Variants in FER observed in about 807,000 individuals in gnomAD.
FER encodes tyrosine-protein kinase Fer.
A neutral mutation model predicts 111.0 loss-of-function variants in FER; 63 were observed. That is an observed-to-expected ratio of 0.57 (90% CI 0.46 to 0.70). The LOEUF (loss-of-function observed/expected upper bound fraction) is 0.70. FER is among the 30% of genes least tolerant of loss of function. The probability of loss-of-function intolerance (pLI) is 0.00; values close to 1 mark genes in which losing one functional copy is unlikely to be tolerated. For missense variants in FER, 914 were observed against 954.0 expected (o/e 0.96, Z 0.55); for synonymous variants, 327 against 313.9 (o/e 1.04, Z -0.44).
At chr5:108,971,012 T>C (rs549191449) in intron 13 of FER, among the ~76,000 whole-genome samples, 1 of 152,266 alleles carries the variant, frequency 6.6e-6, no homozygotes, top group South Asian at 2.1e-4. Context: ...ATATGTGAGA[T>C]ATATACATAA....
At chr5:109,004,689 G>T (rs1765265620) in intron 13 of FER, among the ~76,000 whole-genome samples, 1 of 152,062 alleles carries the variant, frequency 6.6e-6, no homozygotes, top group Non-Finnish European at 1.5e-5. Flanking sequence ...GAGCATTATA[G>T]TGTTGGTGGT....
At chr5:108,945,010 A>G (rs1756790837) in intron 10 of FER, among the ~76,000 whole-genome samples, 1 of 152,172 alleles carries the variant, frequency 6.6e-6, no homozygotes, top group African/African-American at 2.4e-5. Context: ...ACGCACTTAG[A>G]AAATGTTTTG....
intron 11 of FER, among the ~76,000 whole-genome samples, chr5:108,948,843 A>T (rs980414067): frequency 1.3e-5 from 2 of 152,094 alleles, no homozygotes; most frequent in Non-Finnish European, 2.9e-5. Flanking sequence ...GTCTGATAGT[A>T]GCAGTCTTTG....
At chr5:108,863,970 A>G (rs566098630) in intron 5 of FER, among the ~76,000 whole-genome samples, 3 of 152,062 alleles carry the variant, frequency 2.0e-5, no homozygotes, top group African/African-American at 4.8e-5. Context: ...CCCTCCTGCC[A>G]CTCTAGTTTT....
intron 10 of FER, among the ~76,000 whole-genome samples, chr5:108,918,745 C>T (rs1226463763): frequency 6.6e-6 from 1 of 151,858 alleles, no homozygotes; most frequent in African/African-American, 2.4e-5. Context: ...CCTCAGCCTC[C>T]CAAAGTGCTG....
chr5:108,926,861 T>G (rs970070682), intron 10 of FER, among the ~76,000 whole-genome samples: 2 of 152,104 alleles, frequency 1.3e-5, no homozygotes, highest in Non-Finnish European at 2.9e-5. Flanking sequence ...TATTTATGAT[T>G]TTTTTTTCAG....
intron 11 of FER, among the ~76,000 whole-genome samples, chr5:108,950,178 A>T (rs1206001187): frequency 2.0e-5 from 3 of 152,136 alleles, no homozygotes; most frequent in African/African-American, 7.2e-5. Context: ...TGTGGAGGTA[A>T]CCTGATACTT....
intron 13 of FER, among the ~76,000 whole-genome samples, chr5:108,992,997 C>T (rs1351519039): frequency 1.2e-4 from 18 of 150,598 alleles, no homozygotes; most frequent in East Asian, 4.0e-4. Flanking sequence ...CGGGAAGAGG[C>T]GCTCCTCACT....
Position 109,071,001 on chromosome 5 carries a change from A to G in FER, c.1924+23803A>G, listed in dbSNP as rs137864293. ...AGCTTTGCTGTGGATAATATATACC[A>G]TGAATTCTATATTGTATTTTCTATA... is the stretch of plus-strand genomic sequence containing the variant. On this transcript the variant is annotated intron_variant, in intron 16 of 19. Coordinates refer to ENST00000281092, the MANE Select transcript of FER (RefSeq NM_005246.4). 7.8e-3 allele frequency among the ~76,000 whole-genome samples: 1,192 copies of G among 152,146 alleles called. 13 individuals carry two copies. Among genetic ancestry groups the G allele is most frequent in the African/African-American group, 0.028 (1,154 of 41,552 alleles).
At chr5:109,162,252 T>C (rs907153412) in intron 17 of FER, among the ~76,000 whole-genome samples, 4 of 152,194 alleles carry the variant, frequency 2.6e-5, no homozygotes, top group Non-Finnish European at 5.9e-5. Context: ...TAACTCAGTC[T>C]GTTTCGTAAG....
chr5:109,111,914 A>G (rs1461152747), intron 17 of FER, among the ~76,000 whole-genome samples: 1 of 152,170 alleles, frequency 6.6e-6, no homozygotes, highest in Non-Finnish European at 1.5e-5. Flanking sequence ...ATTCTTGCAT[A>G]AAATAACTTA....
chr5:109,099,513 C>T (rs1234563787), intron 16 of FER, among the ~76,000 whole-genome samples: 1 of 151,026 alleles, frequency 6.6e-6, no homozygotes, highest in African/African-American at 2.4e-5. Flanking sequence ...AAATTTACAT[C>T]TAAATTGAGA....
intron 3 of FER, among the ~76,000 whole-genome samples, chr5:108,822,349 C>T (rs920499872): frequency 2.0e-5 from 3 of 152,070 alleles, no homozygotes; most frequent in African/African-American, 7.2e-5. Context: ...TAATAGAATT[C>T]CTGATATTGG....
chr5:108,964,507 T>A (rs1186383176), intron 13 of FER, among the ~76,000 whole-genome samples: 1 of 152,146 alleles, frequency 6.6e-6, no homozygotes, highest in Admixed American at 6.6e-5. Flanking sequence ...CTTGTGTACC[T>A]GGGGAAGAGT....
intron 13 of FER, among the ~76,000 whole-genome samples, chr5:108,984,919 AC>A (rs1762399382): frequency 6.6e-6 from 1 of 152,136 alleles, no homozygotes; most frequent in African/African-American, 2.4e-5. Flanking sequence ...ATATTTATAA[AC>A]TTTTGGACAT....
chr5:109,051,832 A>T, intron 16 of FER: 1 of 1,597,536 alleles, frequency 6.3e-7, no homozygotes, highest in Middle Eastern at 1.7e-4. Context: ...CATGAAGATG[A>T]TGAAGATGGT....
chr5:108,944,076 A>T (rs912808550), intron 10 of FER, among the ~76,000 whole-genome samples: 1 of 151,522 alleles, frequency 6.6e-6, no homozygotes, highest in Non-Finnish European at 1.5e-5. Flanking sequence ...TGTAATTATT[A>T]TGAACCAGTC....
chr5:109,187,583 A>C lies in FER; in HGVS notation c.*8A>C. The C allele has an allele frequency of 6.2e-7, 1 of 1,614,052 alleles. No homozygotes were observed. Among genetic ancestry groups the C allele is most frequent in the South Asian group, 1.1e-5 (1 of 91,066 alleles). ...AAGAGAAAACTCACATAGTGACAGGATGGCGCCAAACTCAGCCTTCAGGAC... is the reference window on the plus strand; with the variant it reads ...AAGAGAAAACTCACATAGTGACAGGCTGGCGCCAAACTCAGCCTTCAGGAC... On this transcript the variant is annotated 3_prime_UTR_variant, in exon 20 of 20. Transcript: ENST00000281092.
At chr5:108,847,443 A>G (rs1005171810) in intron 5 of FER, among the ~76,000 whole-genome samples, 6 of 152,062 alleles carry the variant, frequency 3.9e-5, no homozygotes, top group Non-Finnish European at 8.8e-5. Flanking sequence ...CTGTTTTGGT[A>G]AATGCTTTAT....
Sources: allele counts gnomAD v4.1 joint callset (sites outside exome capture counted in the v4.1 genomes callset), GRCh38; gene constraint gnomAD v4.1.1; transcripts MANE v1.5; gene names NCBI Gene and HGNC (gene_info 2026-07-23, HGNC 2026-07-21).